Variants in ARHGAP26 observed in about 807,000 individuals in gnomAD.
The protein encoded by ARHGAP26 is rho GTPase-activating protein 26.
In ARHGAP26, 38 loss-of-function variants were observed where a neutral mutation model predicts 104.8. The observed-to-expected ratio is 0.36, with a 90% CI of 0.28 to 0.48. ARHGAP26 has a LOEUF of 0.48. ARHGAP26 is among the 20% of genes least tolerant of loss of function. The probability of loss-of-function intolerance (pLI) is 0.99; values close to 1 mark genes in which losing one functional copy is unlikely to be tolerated. For missense variants in ARHGAP26, 704 were observed against 947.9 expected (o/e 0.74, Z 3.38); for synonymous variants, 341 against 340.0 (o/e 1.00, Z -0.03).
At chr5:143,032,740 A>G (rs992423630) in intron 12 of ARHGAP26, among the ~76,000 whole-genome samples, 1 of 152,238 alleles carries the variant, frequency 6.6e-6, no homozygotes, top group Non-Finnish European at 1.5e-5. Flanking sequence ...TACTTGGTCC[A>G]TGATAAATAA....
chr5:143,154,005 T>C (rs1038218294), intron 20 of ARHGAP26, among the ~76,000 whole-genome samples: 2 of 152,206 alleles, frequency 1.3e-5, no homozygotes, highest in African/African-American at 4.8e-5. Context: ...TGTTCTCTGA[T>C]GAAATTCAGG....
At chr5:142,907,556 T>C (rs548795123) in intron 8 of ARHGAP26, 148 bp from the exon 9 acceptor site, 1 of 406,916 alleles carries the variant, frequency 2.5e-6, no homozygotes, top group Admixed American at 4.2e-5. Flanking sequence ...CTATTCATTC[T>C]AGCTAGTGTG....
intron 20 of ARHGAP26, among the ~76,000 whole-genome samples, 197 bp from the exon 21 acceptor site, chr5:143,207,001 G>C (rs1808667454): frequency 1.3e-5 from 2 of 152,180 alleles, no homozygotes; most frequent in African/African-American, 4.8e-5. Context: ...ATACTCCGAG[G>C]AATTACAGAA....
intron 8 of ARHGAP26, among the ~76,000 whole-genome samples, chr5:142,906,899 C>T (rs1233429774): frequency 6.6e-6 from 1 of 151,838 alleles, no homozygotes; most frequent in Admixed American, 6.6e-5. Context: ...ACAATTTCTG[C>T]TGTGTGATCT....
intron 22 of ARHGAP26, among the ~76,000 whole-genome samples, chr5:143,221,523 T>G (rs143553838): frequency 1.3e-5 from 2 of 151,910 alleles, no homozygotes; most frequent in East Asian, 3.9e-4. Flanking sequence ...GAAGCTGGAT[T>G]GATTGATTGA....
chr5:143,117,298 C>A (rs1795589882), intron 17 of ARHGAP26, among the ~76,000 whole-genome samples: 1 of 152,186 alleles, frequency 6.6e-6, no homozygotes, highest in African/African-American at 2.4e-5. Flanking sequence ...AGTGCTCTGC[C>A]AGCCTGTTTC....
At chr5:142,956,447 C>T (rs1397076160) in intron 11 of ARHGAP26, among the ~76,000 whole-genome samples, 1 of 151,996 alleles carries the variant, frequency 6.6e-6, no homozygotes, top group African/African-American at 2.4e-5. Context: ...TGTGGTGGTC[C>T]ATGCCTGTAG....
intron 11 of ARHGAP26, among the ~76,000 whole-genome samples, chr5:142,981,093 G>T: frequency 6.6e-6 from 1 of 152,178 alleles, no homozygotes; most frequent in East Asian, 1.9e-4. Context: ...TTATAAAGGT[G>T]ATTATGAACA....
At chr5:142,823,506 G>A (rs1034763583) in intron 1 of ARHGAP26, among the ~76,000 whole-genome samples, 4 of 151,826 alleles carry the variant, frequency 2.6e-5, no homozygotes, top group Non-Finnish European at 5.9e-5. Flanking sequence ...ACTGTGTGAC[G>A]TTATACACCA....
At chr5:142,849,454 A>G (rs935834542) in intron 1 of ARHGAP26, among the ~76,000 whole-genome samples, 2 of 152,212 alleles carry the variant, frequency 1.3e-5, no homozygotes, top group Middle Eastern at 3.4e-3. Context: ...TTTTGCTAAC[A>G]TTCCTTCTCT....
intron 17 of ARHGAP26, among the ~76,000 whole-genome samples, chr5:143,108,387 C>T (rs1014972742): frequency 2.0e-5 from 3 of 152,176 alleles, no homozygotes; most frequent in Non-Finnish European, 2.9e-5. Context: ...CCCATGGGGT[C>T]TCAGCTCTTG....
intron 17 of ARHGAP26, among the ~76,000 whole-genome samples, chr5:143,102,622 C>T (rs905169434): frequency 8.5e-5 from 13 of 152,226 alleles, no homozygotes; most frequent in Middle Eastern, 3.2e-3. Context: ...GTCGCCCATC[C>T]GGGCTCTAGG....
chr5:142,824,293 G>A (rs896343360), intron 1 of ARHGAP26, among the ~76,000 whole-genome samples: 1 of 152,086 alleles, frequency 6.6e-6, no homozygotes, highest in Admixed American at 6.6e-5. Context: ...GGGCAAAATC[G>A]GAATATTAAA....
intron 20 of ARHGAP26, among the ~76,000 whole-genome samples, chr5:143,159,274 G>C (rs941517804): frequency 1.6e-4 from 24 of 152,344 alleles, no homozygotes; most frequent in African/African-American, 5.5e-4. Flanking sequence ...CAAAAGCCCT[G>C]TTGAAGAAAT....
At chr5:142,951,342 G>A (rs1289903648) in intron 11 of ARHGAP26, among the ~76,000 whole-genome samples, 1 of 152,224 alleles carries the variant, frequency 6.6e-6, no homozygotes, top group East Asian at 1.9e-4. Context: ...TTACAGGCAT[G>A]AGCCACCATA....
intron 21 of ARHGAP26, 188 bp downstream of exon 21, chr5:143,207,496 A>G (rs373744546): frequency 1.1e-5 from 18 of 1,612,634 alleles, no homozygotes; most frequent in Admixed American, 1.0e-4. Context: ...ATGATGACCA[A>G]TCTGTTCCCG....
intron 17 of ARHGAP26, among the ~76,000 whole-genome samples, chr5:143,095,388 T>G (rs956678396): frequency 6.6e-6 from 1 of 152,216 alleles, no homozygotes; most frequent in Admixed American, 6.5e-5. Context: ...TAAACCTTTT[T>G]GTCTCAGCAC....
chr5:142,839,818 A>G (rs1770382669), intron 1 of ARHGAP26, among the ~76,000 whole-genome samples: 1 of 151,864 alleles, frequency 6.6e-6, no homozygotes, highest in Admixed American at 6.6e-5. Context: ...CTTCAAGTCC[A>G]AAGAGCTCAG....
chr5:143,173,718 T>C (rs925839425), intron 20 of ARHGAP26, among the ~76,000 whole-genome samples: 1 of 152,126 alleles, frequency 6.6e-6, no homozygotes, highest in Non-Finnish European at 1.5e-5. Flanking sequence ...ATTTGGGAGC[T>C]TTTTTGTCCA....
Sources: gnomAD v4.1 joint callset for allele counts (sites outside exome capture counted in the v4.1 genomes callset) on GRCh38, gnomAD v4.1.1 for gene constraint, MANE v1.5 for transcripts, NCBI Gene and HGNC (gene_info 2026-07-23, HGNC 2026-07-21) for gene names.